Variants in LAMB4 observed in about 807,000 individuals in gnomAD.
The protein encoded by LAMB4 is laminin subunit beta-4.
In LAMB4, 196 loss-of-function variants were observed where a neutral mutation model predicts 199.2. That is an observed-to-expected ratio of 0.98 (90% CI 0.88 to 1.11). The LOEUF (loss-of-function observed/expected upper bound fraction) is 1.11, where lower values mean the gene tolerates loss of function less well. Among genes scored for constraint, LAMB4 ranks in the 50% least tolerant of loss-of-function variants. LAMB4 has a pLI of 0.00. For missense variants in LAMB4, 2,080 were observed against 2,171.2 expected (o/e 0.96, Z 0.83); for synonymous variants, 744 against 770.6 (o/e 0.97, Z 0.57).
the LAMB4 span, among the ~76,000 whole-genome samples, chr7:108,012,146 AT>A: frequency 6.6e-6 from 1 of 151,822 alleles, no homozygotes; most frequent in Non-Finnish European, 1.5e-5. Flanking sequence ...CTAATTTTCT[AT>A]TTCTATAAAT....
chr7:108,106,922 C>A (rs1293809652), intron 6 of LAMB4, among the ~76,000 whole-genome samples: 4 of 152,182 alleles, frequency 2.6e-5, no homozygotes, highest in Admixed American at 1.3e-4. Context: ...TGAGCCATTG[C>A]TTCCCAGCTG....
downstream of LAMB4, among the ~76,000 whole-genome samples, chr7:108,019,091 A>G (rs905602583): frequency 1.3e-5 from 2 of 152,178 alleles, no homozygotes; most frequent in African/African-American, 4.8e-5. Context: ...TGTAACAAAT[A>G]TCCACACACT....
At position 108,052,079 on chromosome 7, in the gene LAMB4, A is replaced by G; in HGVS notation, c.3916+18T>C. ...CAAACTTTGTGCAGACACAGTCAAA[A>G]ATACATTTTTCCCTTACCCGCAATG... On this transcript the variant is annotated intron_variant, in intron 26 of 33. Coordinates refer to ENST00000388781, the MANE Select transcript of LAMB4 (RefSeq NM_007356.3). 6.3e-7 allele frequency: 1 copy of G among 1,591,768 alleles called. No individual in the cohort carries two copies. Among genetic ancestry groups the G allele is most frequent in the Non-Finnish European group, 8.6e-7 (1 of 1,167,612 alleles).
rs2038075697 is a variant in LAMB4, at chr7:108,107,743, GC to G, written c.478del (p.Ala160GlnfsTer41). On this transcript the variant is annotated frameshift_variant, in exon 6 of 34. Transcript: ENST00000388781. LOFTEE classifies it high-confidence loss of function. The part of the protein sequence containing the change: ...GHNWKVFKYF[A>X]KDCATSFPNI... ...AGGAAAGGAAGTGGCACAGTCTTTT[GC>G]AAAATATTTGAACACTTTCCAGTTG... The G allele has an allele frequency of 6.2e-7, 1 of 1,613,880 alleles. No homozygotes were observed.
chr7:108,094,606 G>A (rs1399882887), intron 12 of LAMB4, among the ~76,000 whole-genome samples: 1 of 150,876 alleles, frequency 6.6e-6, no homozygotes, highest in Non-Finnish European at 1.5e-5. Context: ...AAAATGTCAT[G>A]GTGAGCTGCC....
chr7:108,083,012 G>A (rs1563076059), intron 14 of LAMB4, among the ~76,000 whole-genome samples: 1 of 152,192 alleles, frequency 6.6e-6, no homozygotes, highest in Non-Finnish European at 1.5e-5. Context: ...GATTAATACA[G>A]CCTCTGGAAC....
chr7:108,049,342 T>A lies in LAMB4; in HGVS notation c.4106A>T (p.Gln1369Leu). 1 of 1,563,672 alleles carries A rather than the reference T, an allele frequency of 6.4e-7. No individual in the cohort carries two copies. The highest frequency in any genetic ancestry group is 2.3e-5 in the East Asian group (1 of 44,376). ...RLKQIKIPDI[Q>L]ILNEKVCGDP... ...AATATTTACCTTTTCATTCAATATT[T>A]GGATATCTGGTATCTTAATCTGCTT... The change falls in exon 27 of 34, where the codon CAA (glutamine) becomes CTA (leucine). Residue 1369 changes from glutamine to leucine, a missense_variant. Transcript: ENST00000388781.
chr7:108,085,632 G>T (rs1179350384), intron 14 of LAMB4, among the ~76,000 whole-genome samples: 1 of 149,134 alleles, frequency 6.7e-6, no homozygotes, highest in African/African-American at 2.5e-5. Flanking sequence ...ATTTTTTTTT[G>T]AGATGGAGTC....
intron 10 of LAMB4, among the ~76,000 whole-genome samples, chr7:108,099,398 A>T (rs1350924190): frequency 1.3e-5 from 2 of 152,238 alleles, no homozygotes; most frequent in African/African-American, 2.4e-5. Flanking sequence ...TCCAGAGGGT[A>T]GAACCAGGAG....
intron 11 of LAMB4, among the ~76,000 whole-genome samples, chr7:108,096,364 C>A (rs1046919171): frequency 1.3e-5 from 2 of 152,190 alleles, no homozygotes; most frequent in Non-Finnish European, 2.9e-5. Context: ...GAATAAGATT[C>A]CATTGTATGT....
intron 19 of LAMB4, 49 bp from the exon 20 acceptor site, chr7:108,066,649 G>GTGTGTGTGTGTGTGTGTGTGTGT: frequency 8.1e-7 from 1 of 1,230,300 alleles, no homozygotes; most frequent in South Asian, 1.3e-5. Flanking sequence ...AGTGGTGTGT[G>GTGTGTGTGTGTGTGTGTGTGTGT]GTGGTGAAAG....
rs1159162415 is a variant in LAMB4 at position 108,098,319 on chromosome 7, C to G, written c.1360+84G>C. ...CTGTACTCCAGCCTGGGCGACAGAGCGAGACTCCATCTCAAAAACAGACAA... is the reference window on the plus strand; with the variant it reads ...CTGTACTCCAGCCTGGGCGACAGAGGGAGACTCCATCTCAAAAACAGACAA... On this transcript the variant is annotated intron_variant, in intron 11 of 33. Coordinates refer to ENST00000388781, the MANE Select transcript of LAMB4 (RefSeq NM_007356.3). 1.3e-5 allele frequency: 17 copies of G among 1,280,302 alleles called. 1 individual carries two copies. The allele number at this position is 1,280,302 out of a possible 1,614,324, so 79.3% of individuals were successfully genotyped here. A position where few individuals can be genotyped will look rare whatever the true frequency, so the allele number is the denominator to read the frequency against.
intron 19 of LAMB4, 146 bp downstream of exon 19, chr7:108,067,870 A>G (rs1470144349): frequency 6.1e-6 from 6 of 991,248 alleles, no homozygotes; most frequent in Non-Finnish European, 9.2e-6. Context: ...AAAAATGTTC[A>G]GTATATTTTA....
At position 108,069,760 on chromosome 7, in the gene LAMB4, G is replaced by A. The variant is rs369049086; in HGVS notation, c.2250C>T (p.Ala750=). ...SAMGPQVLPG[A]CERLIISMSA... ...ACATGCTGATGATCAGCCTTTCACA[G>A]GCACCCGGGAGCACTTGAGGTCCCA... is the stretch of plus-strand genomic sequence containing the variant. The change falls in exon 18 of 34, where the codon GCC becomes GCT. Residue 750 remains alanine, a synonymous_variant. Coordinates refer to ENST00000388781, the MANE Select transcript of LAMB4 (RefSeq NM_007356.3). 3 of 1,613,800 alleles carry A rather than the reference G, an allele frequency of 1.9e-6. No individual in the cohort carries two copies. The highest frequency in any genetic ancestry group is 2.7e-5 in the African/African-American group (2 of 74,900).
chr7:108,053,425 C>T (rs913748810), intron 25 of LAMB4, among the ~76,000 whole-genome samples: 6 of 152,276 alleles, frequency 3.9e-5, no homozygotes, highest in Middle Eastern at 3.4e-3. Context: ...AAGACAAGCA[C>T]GTGAGAAGGC....
At chr7:108,094,666 C>A (rs2037530198) in intron 12 of LAMB4, among the ~76,000 whole-genome samples, 2 of 151,884 alleles carry the variant, frequency 1.3e-5, no homozygotes, top group South Asian at 4.2e-4. Context: ...CCAATTGCAT[C>A]ATGCATTTCT....
At chr7:108,120,570 A>G (rs1441316459) in intron 2 of LAMB4, among the ~76,000 whole-genome samples, 3 of 152,242 alleles carry the variant, frequency 2.0e-5, no homozygotes, top group Non-Finnish European at 4.4e-5. Context: ...TTGTGGTATA[A>G]TAAATGGTTA....
chr7:108,030,226 T>C (rs2034982025), intron 32 of LAMB4, among the ~76,000 whole-genome samples: 1 of 152,110 alleles, frequency 6.6e-6, no homozygotes, highest in Non-Finnish European at 1.5e-5. Flanking sequence ...AGCAGGAGAA[T>C]AGACCAAATG....
At chr7:108,067,919 A>G (rs375514579) in intron 19 of LAMB4, 97 bp downstream of exon 19, 3 of 1,454,330 alleles carry the variant, frequency 2.1e-6, no homozygotes, top group Non-Finnish European at 2.9e-6. Flanking sequence ...CAGGTTTCCA[A>G]TCTCCTTCCC....
Sources: gnomAD v4.1 joint callset for allele counts (sites outside exome capture counted in the v4.1 genomes callset) on GRCh38, gnomAD v4.1.1 for gene constraint, MANE v1.5 for transcripts, NCBI Gene and HGNC (gene_info 2026-07-23, HGNC 2026-07-21) for gene names.